The following MNAT1 variants were observed in gnomAD, a reference collection of about 807,000 sequenced individuals.
MNAT1 encodes MNAT1 component of CDK activating kinase.
A neutral mutation model predicts 42.0 loss-of-function variants in MNAT1; 43 were observed. That is an observed-to-expected ratio of 1.02 (90% CI 0.80 to 1.32). The LOEUF is 1.32. Ranked by LOEUF, MNAT1 falls within the 40% of genes most tolerant of loss-of-function variation. MNAT1 has a pLI of 0.00. For missense variants in MNAT1, 306 were observed against 350.4 expected (o/e 0.87, Z 1.01); for synonymous variants, 118 against 120.0 (o/e 0.98, Z 0.11).
At chr14:60,942,568 G>T (rs2036190087) in intron 7 of MNAT1, among the ~76,000 whole-genome samples, 1 of 151,498 alleles carries the variant, frequency 6.6e-6, no homozygotes, top group African/African-American at 2.4e-5. Context: ...ATCGTTGACA[G>T]TTATTAAAAC....
At chr14:60,786,815 T>TA (rs2031666727) in intron 1 of MNAT1, among the ~76,000 whole-genome samples, 1 of 152,206 alleles carries the variant, frequency 6.6e-6, no homozygotes, top group Non-Finnish European at 1.5e-5. Flanking sequence ...CATCTATAGA[T>TA]ACCTATTTGG....
intron 7 of MNAT1, among the ~76,000 whole-genome samples, chr14:60,953,988 A>G (rs1301609437): frequency 1.3e-5 from 2 of 152,054 alleles, no homozygotes; most frequent in African/African-American, 4.8e-5. Flanking sequence ...TTTTCTTGCT[A>G]TCGAGTTGTT....
chr14:60,765,116 C>T lies in MNAT1; in HGVS notation c.89+30165C>T, dbSNP rs191259333. Reference sequence around the variant, plus strand: ...AAAATACAAAAATTAGCTGGGCTTGCGGCGCATGCCTGTAATTCCAGCTAC... The same window carrying T: ...AAAATACAAAAATTAGCTGGGCTTGTGGCGCATGCCTGTAATTCCAGCTAC... On this transcript the variant is annotated intron_variant, in intron 1 of 7. Transcript: ENST00000261245. Among the ~76,000 whole-genome samples the T allele has an allele frequency of 5.8e-3, 888 of 152,234 alleles. 3 individuals carry two copies. The highest frequency in any genetic ancestry group is 9.1e-3 in the Non-Finnish European group (620 of 67,992).
chr14:60,734,931 G>A lies in MNAT1; in HGVS notation c.69G>A (p.Val23=). 1 of 1,614,206 alleles carries A rather than the reference G, an allele frequency of 6.2e-7. No homozygotes were observed. Among genetic ancestry groups the A allele is most frequent in the Non-Finnish European group, 8.5e-7 (1 of 1,180,032 alleles). The change falls in exon 1 of 8, where the codon GTG becomes GTA. Residue 23 remains valine, a synonymous_variant. Coordinates refer to ENST00000261245, the MANE Select transcript of MNAT1 (RefSeq NM_002431.4). The surrounding 1 kb of genome is among the most constrained non-coding windows in gnomAD (Gnocchi z 4.3). ...KYRNPSLKLM[V]NVCGHTLCES... ...GGAACCCCTCCTTGAAGCTGATGGT[G>A]AATGTGTGCGGACACACTCTGTGAG...
intron 7 of MNAT1, among the ~76,000 whole-genome samples, chr14:60,899,188 A>G (rs886397446): frequency 1.3e-5 from 2 of 152,184 alleles, no homozygotes; most frequent in African/African-American, 2.4e-5. Context: ...ACAATGCTCT[A>G]TCACAAAGCA....
intron 6 of MNAT1, among the ~76,000 whole-genome samples, chr14:60,837,795 T>C (rs995122054): frequency 1.3e-5 from 2 of 152,238 alleles, no homozygotes; most frequent in Non-Finnish European, 2.9e-5. Context: ...CTAGGACTTA[T>C]GACTCTTAGG....
intron 7 of MNAT1, among the ~76,000 whole-genome samples, chr14:60,897,272 T>G (rs1479316289): frequency 6.6e-6 from 1 of 152,126 alleles, no homozygotes; most frequent in Admixed American, 6.6e-5. Flanking sequence ...AATATTTAAG[T>G]AGTTTCATAT....
In MNAT1 at chr14:60,746,926, ACACAC is replaced by A. The variant is rs1482746236; in HGVS notation, c.89+11976_89+11980del. Among the ~76,000 whole-genome samples, 4 of 3,430 alleles carry A rather than the reference ACACAC, an allele frequency of 1.2e-3. No homozygotes were observed. In the East Asian group the frequency reaches 0.029, roughly 24 times the overall value. The allele number at this position is 3,430 out of a possible 152,430, so 2.3% of individuals were successfully genotyped here. ...TATATATATATATATATATATATAC[ACACAC>A]ACACACACACACACACACACACACA... On this transcript the variant is annotated intron_variant, in intron 1 of 7. Coordinates refer to ENST00000261245, the MANE Select transcript of MNAT1 (RefSeq NM_002431.4).
At chr14:60,811,645 C>G (rs1482580432) in intron 4 of MNAT1, among the ~76,000 whole-genome samples, 2 of 152,042 alleles carry the variant, frequency 1.3e-5, no homozygotes, top group African/African-American at 4.8e-5. Context: ...CTAACTAGTC[C>G]TCCTATTGTC....
At chr14:60,908,007 C>A (rs1190553060) in intron 7 of MNAT1, among the ~76,000 whole-genome samples, 1 of 151,970 alleles carries the variant, frequency 6.6e-6, no homozygotes, top group African/African-American at 2.4e-5. Context: ...TGACTATGAG[C>A]AGAGATAAAT....
At chr14:60,943,053 C>CTTTT (rs377454616) in intron 7 of MNAT1, among the ~76,000 whole-genome samples, 590 of 53,120 alleles carry the variant, frequency 0.011, 217 homozygotes, top group Middle Eastern at 0.059. Context: ...TGTGTGTGCG[C>CTTTT]TTTTTTTTTT....
Position 60,734,945 on chromosome 14 carries a change from A to G in MNAT1, c.83A>G (p.His28Arg). Residue 28 changes from histidine (H) to arginine (R), a missense_variant, in exon 1 of 8, where the codon CAC (histidine) becomes CGC (arginine). His to Arg is a conservative substitution (Grantham distance 29, BLOSUM62 0). Around this residue, in one of 3 missense-constraint regions of MNAT1, gnomAD observed 72 missense variants for 111.0 expected, o/e 0.65. Coordinates refer to ENST00000261245, the MANE Select transcript of MNAT1 (RefSeq NM_002431.4). The surrounding 1 kb of genome is among the most constrained non-coding windows in gnomAD (Gnocchi z 4.3). ...AAGCTGATGGTGAATGTGTGCGGAC[A>G]CACTCTGTGAGTTGGGCGGCAGTGG... ...SLKLMVNVCG[H>R]TLCESCVDLL... 1 of 1,614,172 alleles carries G rather than the reference A, an allele frequency of 6.2e-7. No homozygotes were observed. The highest frequency in any genetic ancestry group is 8.5e-7 in the Non-Finnish European group (1 of 1,180,016).
chr14:60,875,930 G>C (rs4151289), intron 6 of MNAT1, among the ~76,000 whole-genome samples: 15,623 of 152,018 alleles, frequency 0.1, 1,045 homozygotes, highest in Middle Eastern at 0.19. Flanking sequence ...AATGCACACG[G>C]AGTGTTGGTG....
chr14:60,768,430 G>A (rs1028938398), intron 1 of MNAT1, among the ~76,000 whole-genome samples: 1 of 152,172 alleles, frequency 6.6e-6, no homozygotes, highest in African/African-American at 2.4e-5. Flanking sequence ...GGTTTTAAAT[G>A]ATATGTTCTA....
chr14:60,914,385 A>G (rs1213807907), intron 7 of MNAT1, among the ~76,000 whole-genome samples: 1 of 152,166 alleles, frequency 6.6e-6, no homozygotes, highest in African/African-American at 2.4e-5. Context: ...GCTCAGTTGG[A>G]AATGCAGAAA....
chr14:60,924,704 G>T (rs2035730983), intron 7 of MNAT1, among the ~76,000 whole-genome samples: 1 of 152,084 alleles, frequency 6.6e-6, no homozygotes, highest in Admixed American at 6.6e-5. Context: ...CCACAGATGA[G>T]GTCACTGAAA....
At chr14:60,931,731 T>G (rs1192094551) in intron 7 of MNAT1, among the ~76,000 whole-genome samples, 3 of 152,104 alleles carry the variant, frequency 2.0e-5, no homozygotes, top group African/African-American at 7.2e-5. Flanking sequence ...CTACTTACTT[T>G]AATGCATATA....
chr14:60,953,200 G>A (rs1473926035), intron 7 of MNAT1, among the ~76,000 whole-genome samples: 1 of 152,122 alleles, frequency 6.6e-6, no homozygotes, highest in African/African-American at 2.4e-5. Context: ...ATATAGATCT[G>A]TATGTATATG....
chr14:60,759,043 A>G (rs1029966521), intron 1 of MNAT1, among the ~76,000 whole-genome samples: 8 of 152,134 alleles, frequency 5.3e-5, no homozygotes, highest in African/African-American at 1.7e-4. Flanking sequence ...GTGTTGCCTG[A>G]GAGATTTCAA....
Sources: allele counts gnomAD v4.1 joint callset (sites outside exome capture counted in the v4.1 genomes callset), GRCh38; gene constraint gnomAD v4.1.1; regional missense constraint gnomAD v4.1.1; non-coding constraint Gnocchi (gnomAD v3.1); transcripts MANE v1.5; gene names NCBI Gene and HGNC (gene_info 2026-07-23, HGNC 2026-07-21).